The following CDH19 variants were observed in gnomAD, a reference collection of about 807,000 sequenced individuals.
The protein encoded by CDH19 is cadherin-19.
A neutral mutation model predicts 64.2 loss-of-function variants in CDH19; 67 were observed. The observed-to-expected ratio is 1.04, with a 90% confidence interval of 0.86 to 1.28. The LOEUF (loss-of-function observed/expected upper bound fraction) is 1.28. Among genes scored for constraint, CDH19 ranks in the 50% most tolerant of loss-of-function variants. The probability of loss-of-function intolerance (pLI) is 0.00; values close to 1 mark genes in which losing one functional copy is unlikely to be tolerated. For synonymous variants in CDH19, 346 were observed against 319.3 expected (o/e 1.08, Z -0.89); for missense variants, 1,030 against 929.0 (o/e 1.11, Z -1.41).
intron 10 of CDH19, among the ~76,000 whole-genome samples, chr18:66,510,866 A>C (rs1397460274): frequency 6.6e-6 from 1 of 151,660 alleles, no homozygotes; most frequent in Non-Finnish European, 1.5e-5. Context: ...AACTGCAAGT[A>C]TTTGGTTACA....
In CDH19 at chr18:66,513,049, T is replaced by C. The variant is rs116371969; in HGVS notation, c.1459-1364A>G. ...ATGGTGTCCTGAATATTGTTAGTCATAGGCATATGGATATCTTTATATGCA... is the reference window on the plus strand; with the variant it reads ...ATGGTGTCCTGAATATTGTTAGTCACAGGCATATGGATATCTTTATATGCA... On this transcript the variant is annotated intron_variant, in intron 9 of 11. Transcript: ENST00000262150. Among the ~76,000 whole-genome samples, 300 of 151,596 alleles carry C rather than the reference T, an allele frequency of 2.0e-3. 1 individual carries two copies. Among genetic ancestry groups the C allele is most frequent in the African/African-American group, 6.9e-3 (287 of 41,518 alleles).
intron 1 of CDH19, among the ~76,000 whole-genome samples, chr18:66,586,888 C>T (rs986900376): frequency 2.1e-4 from 32 of 151,920 alleles, no homozygotes; most frequent in African/African-American, 7.7e-4. Context: ...GTCTTTATTC[C>T]CACTTCCATG....
At chr18:66,512,716 C>T (rs976756288) in intron 9 of CDH19, among the ~76,000 whole-genome samples, 4 of 151,352 alleles carry the variant, frequency 2.6e-5, no homozygotes, top group Non-Finnish European at 4.4e-5. Context: ...TCAATCCATG[C>T]TTATAATTAT....
intron 3 of CDH19, among the ~76,000 whole-genome samples, chr18:66,565,986 T>C (rs1459070711): frequency 6.6e-6 from 1 of 151,954 alleles, no homozygotes; most frequent in Non-Finnish European, 1.5e-5. Flanking sequence ...AGATTTGTGC[T>C]TGCTAGATAT....
chr18:66,590,865 A>G (rs566505556), intron 1 of CDH19, among the ~76,000 whole-genome samples: 4 of 152,120 alleles, frequency 2.6e-5, no homozygotes, highest in South Asian at 2.1e-4. Context: ...AAGATGAAGG[A>G]GCATGGCATA....
intron 7 of CDH19, among the ~76,000 whole-genome samples, chr18:66,539,747 A>G (rs1986815588): frequency 6.6e-6 from 1 of 151,974 alleles, no homozygotes; most frequent in Admixed American, 6.6e-5. Context: ...ATGGTAGGAT[A>G]TATCAGTGGC....
At chr18:66,535,185 A>C in intron 7 of CDH19, 78 bp from the exon 8 acceptor site, 1 of 853,720 alleles carries the variant, frequency 1.2e-6, no homozygotes. Context: ...TTTAAGCAAT[A>C]AGACATCTTA....
chr18:66,588,334 C>T (rs1356905438), intron 1 of CDH19, among the ~76,000 whole-genome samples: 2 of 151,910 alleles, frequency 1.3e-5, no homozygotes, highest in East Asian at 3.9e-4. Flanking sequence ...GGAAAATAAA[C>T]GAATACAAAT....
intron 1 of CDH19, among the ~76,000 whole-genome samples, chr18:66,589,360 A>C (rs1426934520): frequency 6.6e-6 from 1 of 151,754 alleles, no homozygotes; most frequent in Admixed American, 6.6e-5. Flanking sequence ...AATTTCTAAC[A>C]GTATTTATTT....
chr18:66,567,251 AG>A lies in CDH19; in HGVS notation c.490+1164del, dbSNP rs1987943817. Reference sequence around the variant, plus strand: ...CATCATAATATATGCAAGAAGAAGAAGAAGCAGTGGCAGAGGAAGAAAAGCA... The same window carrying A: ...CATCATAATATATGCAAGAAGAAGAAAAGCAGTGGCAGAGGAAGAAAAGCA... On this transcript the variant is annotated intron_variant, in intron 3 of 11. Transcript: ENST00000262150. Among the ~76,000 whole-genome samples the A allele has an allele frequency of 2.0e-5, 3 of 151,796 alleles. No homozygotes were observed. The South Asian group carries it at 6.2e-4, about 31-fold the overall frequency.
chr18:66,559,499 A>G (rs1210782695), intron 3 of CDH19, among the ~76,000 whole-genome samples: 3 of 151,824 alleles, frequency 2.0e-5, no homozygotes, highest in South Asian at 4.1e-4. Flanking sequence ...ACGCATTTAT[A>G]GACAGGTAGA....
chr18:66,570,424 T>C (rs932334662), intron 2 of CDH19, among the ~76,000 whole-genome samples: 2 of 151,710 alleles, frequency 1.3e-5, no homozygotes, highest in African/African-American at 2.4e-5. Context: ...CAATTTTCTA[T>C]ATTTTTATTC....
chr18:66,588,644 A>G (rs1208908328), intron 1 of CDH19, among the ~76,000 whole-genome samples: 5 of 144,854 alleles, frequency 3.5e-5, no homozygotes, highest in African/African-American at 1.2e-4. Context: ...ATATAGATAC[A>G]GCTCAGATTT....
intron 9 of CDH19, among the ~76,000 whole-genome samples, chr18:66,524,669 T>G (rs1986152113): frequency 6.6e-6 from 1 of 151,492 alleles, no homozygotes; most frequent in African/African-American, 2.4e-5. Flanking sequence ...GTGGAAACAG[T>G]GAACTTTGTT....
At chr18:66,512,836 C>T (rs895471203) in intron 9 of CDH19, among the ~76,000 whole-genome samples, 18 of 151,466 alleles carry the variant, frequency 1.2e-4, no homozygotes, top group African/African-American at 4.3e-4. Context: ...ATTCTGAATC[C>T]TGGCTTTGCC....
chr18:66,516,594 G>A (rs1005137312), intron 9 of CDH19, among the ~76,000 whole-genome samples: 39 of 151,886 alleles, frequency 2.6e-4, no homozygotes, highest in African/African-American at 8.0e-4. Flanking sequence ...TATTCTCCTC[G>A]CTACTCTCCA....
intron 1 of CDH19, among the ~76,000 whole-genome samples, chr18:66,574,710 T>C (rs528525457): frequency 6.6e-6 from 1 of 151,786 alleles, no homozygotes; most frequent in Non-Finnish European, 1.5e-5. Flanking sequence ...GCACAGGTGT[T>C]AAAAAATATT....
chr18:66,554,412 TG>T lies in CDH19; in HGVS notation c.602del (p.Pro201GlnfsTer6). 1 of 1,611,452 alleles carries T rather than the reference TG, an allele frequency of 6.2e-7. No individual in the cohort carries two copies. Among genetic ancestry groups the T allele is most frequent in the Non-Finnish European group, 8.5e-7 (1 of 1,178,358 alleles). ...TGTTTCATTCACAAATACCTGTTGT[TG>T]GTTCAACAGAAAAATATGGCTGGCC... is the stretch of plus-strand genomic sequence containing the variant. ...LQGQPYFSVE[P>X]TTGVIRISSK... On this transcript the variant is annotated frameshift_variant, in exon 4 of 12. Transcript: ENST00000262150. LOFTEE classifies it high-confidence loss of function.
chr18:66,565,467 A>C (rs2144560595), intron 3 of CDH19, among the ~76,000 whole-genome samples: 1 of 152,122 alleles, frequency 6.6e-6, no homozygotes, highest in South Asian at 2.1e-4. Flanking sequence ...AAAAAGAAAC[A>C]GCAAAATGTT....
Sources: gnomAD v4.1 joint callset for allele counts (sites outside exome capture counted in the v4.1 genomes callset) on GRCh38, gnomAD v4.1.1 for gene constraint, MANE v1.5 for transcripts, NCBI Gene and HGNC (gene_info 2026-07-23, HGNC 2026-07-21) for gene names.